Variants in LRRTM4 observed in about 807,000 individuals in gnomAD.
The protein encoded by LRRTM4 is leucine rich repeat transmembrane neuronal 4, also known as leucine-rich repeat transmembrane neuronal protein 4.
In LRRTM4, 25 loss-of-function variants were observed where a neutral mutation model predicts 47.6. The observed-to-expected ratio is 0.53, with a 90% CI of 0.38 to 0.73. The LOEUF is 0.73. LRRTM4 is among the 30% of genes least tolerant of loss of function. The pLI, the probability that LRRTM4 is intolerant of heterozygous loss-of-function variation, is 0.00. For synonymous variants in LRRTM4, 311 were observed against 269.5 expected (o/e 1.15, Z -1.51); for missense variants, 638 against 713.4 (o/e 0.89, Z 1.20).
chr2:77,152,986 C>G (rs755730674), intron 3 of LRRTM4, among the ~76,000 whole-genome samples: 25 of 152,018 alleles, frequency 1.6e-4, no homozygotes, highest in Non-Finnish European at 3.1e-4. Context: ...ATGTAATATT[C>G]TATAATTAAC....
At chr2:77,361,744 T>C (rs1672221969) in intron 3 of LRRTM4, among the ~76,000 whole-genome samples, 1 of 152,198 alleles carries the variant, frequency 6.6e-6, no homozygotes, top group Admixed American at 6.5e-5. Context: ...CATTCCACTT[T>C]AACATCAGAT....
intron 3 of LRRTM4, among the ~76,000 whole-genome samples, chr2:77,169,916 G>T (rs139917379): frequency 6.6e-6 from 1 of 152,024 alleles, no homozygotes; most frequent in Non-Finnish European, 1.5e-5. Flanking sequence ...TTTGTTGTGC[G>T]TTGTTGCTGC....
intron 3 of LRRTM4, among the ~76,000 whole-genome samples, chr2:76,892,240 C>T (rs1229622286): frequency 6.6e-6 from 1 of 151,484 alleles, no homozygotes; most frequent in Non-Finnish European, 1.5e-5. Flanking sequence ...TAAATTACAA[C>T]TCACATGTCT....
intron 3 of LRRTM4, among the ~76,000 whole-genome samples, chr2:77,087,638 A>G (rs1185234957): frequency 1.3e-5 from 2 of 152,242 alleles, no homozygotes; most frequent in Non-Finnish European, 2.9e-5. Flanking sequence ...ATCAGGAACA[A>G]TAAGAAACAT....
chr2:76,987,548 G>T (rs1160165892), intron 3 of LRRTM4: 1 of 151,868 alleles, frequency 6.6e-6, no homozygotes, highest in Non-Finnish European at 1.5e-5. Flanking sequence ...ACCTGTGTGT[G>T]TATGTTGCTT....
chr2:77,170,891 C>T (rs1029001991), intron 3 of LRRTM4, among the ~76,000 whole-genome samples: 13 of 150,280 alleles, frequency 8.7e-5, no homozygotes, highest in Non-Finnish European at 1.6e-4. Flanking sequence ...TTCACATACC[C>T]ATATATTATA....
intron 3 of LRRTM4, among the ~76,000 whole-genome samples, chr2:77,094,155 AAAG>A (rs1293971194): frequency 8.5e-5 from 13 of 152,222 alleles, no homozygotes; most frequent in Non-Finnish European, 1.9e-4. Context: ...ACCAACAAAA[AAAG>A]CAATTTAAAA....
intron 3 of LRRTM4, among the ~76,000 whole-genome samples, chr2:77,307,612 T>C (rs1298468389): frequency 1.1e-5 from 1 of 93,854 alleles, no homozygotes; most frequent in Non-Finnish European, 1.9e-5. Context: ...TATAGATATA[T>C]CTATATATTA....
intron 3 of LRRTM4, among the ~76,000 whole-genome samples, chr2:77,283,947 C>T (rs1320983825): frequency 6.6e-6 from 1 of 152,012 alleles, no homozygotes; most frequent in African/African-American, 2.4e-5. Flanking sequence ...TTCAACAAAA[C>T]TGCACATGAA....
chr2:77,056,001 G>A (rs1179888568), intron 3 of LRRTM4, among the ~76,000 whole-genome samples: 8 of 140,880 alleles, frequency 5.7e-5, no homozygotes, highest in African/African-American at 1.1e-4. Flanking sequence ...GAGAACACAC[G>A]GACACAGGAA....
chr2:77,118,185 C>T (rs1167429710), intron 3 of LRRTM4, among the ~76,000 whole-genome samples: 1 of 151,664 alleles, frequency 6.6e-6, no homozygotes. Context: ...TTTGTAGAGA[C>T]GTCACCACTG....
chr2:76,917,682 C>T (rs1055223998), intron 3 of LRRTM4, among the ~76,000 whole-genome samples: 8 of 152,106 alleles, frequency 5.3e-5, no homozygotes, highest in Admixed American at 1.3e-4. Context: ...AATGGAAGTA[C>T]AGTAAAAAGT....
chr2:77,153,025 C>T (rs1672470540), intron 3 of LRRTM4, among the ~76,000 whole-genome samples: 1 of 152,006 alleles, frequency 6.6e-6, no homozygotes, highest in Non-Finnish European at 1.5e-5. Flanking sequence ...CAATAGAACT[C>T]TAAAAAGAAA....
At chr2:77,026,431 T>C (rs1036973794) in intron 3 of LRRTM4, among the ~76,000 whole-genome samples, 5 of 152,118 alleles carry the variant, frequency 3.3e-5, no homozygotes, top group African/African-American at 1.2e-4. Context: ...ACCCACAGAA[T>C]GATCATGGGA....
rs1460800361 is a variant in LRRTM4 at position 76,777,240 on chromosome 2, G to A, written c.1552-28324C>T. ...TGGCTTAGGATTGACTTGGCCATGC[G>A]GGCTCTTTTTTGGTTCCATATGAAC... On this transcript the variant is annotated intron_variant, in intron 3 of 3. Transcript: ENST00000409884. Among the ~76,000 whole-genome samples the A allele has an allele frequency of 3.7e-4, 55 of 150,118 alleles. 2 individuals are homozygous for A. Among genetic ancestry groups the A allele is most frequent in the Admixed American group, 1.1e-3 (16 of 15,050 alleles).
chr2:76,843,611 AAATT>A (rs1671751971), intron 3 of LRRTM4, among the ~76,000 whole-genome samples: 1 of 152,196 alleles, frequency 6.6e-6, no homozygotes, highest in Non-Finnish European at 1.5e-5. Flanking sequence ...TATGTTAATA[AAATT>A]AATTCCCATT....
chr2:77,305,166 T>G (rs1412444768), intron 3 of LRRTM4, among the ~76,000 whole-genome samples: 2 of 152,102 alleles, frequency 1.3e-5, no homozygotes, highest in Non-Finnish European at 2.9e-5. Context: ...ATTATTTTTT[T>G]CTAAATCCAA....
intron 3 of LRRTM4, among the ~76,000 whole-genome samples, chr2:76,898,511 C>A (rs1308555567): frequency 7.2e-6 from 1 of 138,848 alleles, no homozygotes; most frequent in Non-Finnish European, 1.5e-5. Flanking sequence ...AGAGAATGCA[C>A]CAATGCACTC....
chr2:77,092,664 C>A (rs1249311603), intron 3 of LRRTM4, among the ~76,000 whole-genome samples: 3 of 144,664 alleles, frequency 2.1e-5, no homozygotes, highest in African/African-American at 2.8e-5. Context: ...TAGATACTTT[C>A]ACTGGATAGG....
Sources: gnomAD v4.1 joint callset for allele counts (sites outside exome capture counted in the v4.1 genomes callset) on GRCh38, gnomAD v4.1.1 for gene constraint, MANE v1.5 for transcripts, NCBI Gene and HGNC (gene_info 2026-07-23, HGNC 2026-07-21) for gene names.